Variants in SLC43A1 observed in about 807,000 individuals in gnomAD.
The protein encoded by SLC43A1 is large neutral amino acids transporter small subunit 3.
Under a neutral mutation model 59.5 loss-of-function variants are expected in SLC43A1, and 31 were observed. The observed-to-expected ratio is 0.52, with a 90% CI of 0.39 to 0.70. SLC43A1 has a LOEUF of 0.70. Among genes scored for constraint, SLC43A1 ranks in the 30% least tolerant of loss-of-function variants. The pLI, the probability that SLC43A1 is intolerant of heterozygous loss-of-function variation, is 0.00. For synonymous variants in SLC43A1, 259 were observed against 290.9 expected (o/e 0.89, Z 1.12); for missense variants, 598 against 717.8 (o/e 0.83, Z 1.91).
intron 2 of SLC43A1, among the ~76,000 whole-genome samples, chr11:57,506,163 T>C (rs1262575608): frequency 1.3e-5 from 2 of 152,000 alleles, no homozygotes; most frequent in African/African-American, 2.4e-5. Flanking sequence ...CCTGGCAACA[T>C]AGTGAGACCC....
chr11:57,511,682 G>T (rs558234025), intron 2 of SLC43A1, among the ~76,000 whole-genome samples: 1 of 152,136 alleles, frequency 6.6e-6, no homozygotes, highest in Non-Finnish European at 1.5e-5. Context: ...ATAGAATGGT[G>T]GTTGATCCAT....
intron 5 of SLC43A1, among the ~76,000 whole-genome samples, chr11:57,498,624 T>C (rs1171215887): frequency 6.6e-6 from 1 of 152,060 alleles, no homozygotes; most frequent in Admixed American, 6.5e-5. Context: ...TGTGTCCCGG[T>C]AATAGGCAGT....
At position 57,514,822 on chromosome 11, in the gene SLC43A1, G is replaced by T. The variant is rs1179761777; in HGVS notation, c.-14+622C>A. 3.0e-6 allele frequency: 3 copies of T among 985,510 alleles called. No individual in the cohort carries two copies. The African/African-American group carries it at 5.2e-5, about 17-fold the overall frequency. 61.0% of individuals were successfully genotyped at this position (985,510 alleles called of 1,614,324 possible). A position where few individuals can be genotyped will look rare whatever the true frequency, so the allele number is the denominator to read the frequency against. ...CACCAGGCTTTGCACCTCGGAACCC[G>T]CTTGCCCCCCTCCAGCCCCGGGAGG... On this transcript the variant is annotated intron_variant, in intron 1 of 14. Transcript: ENST00000278426. This position sits in a 1 kb window ranked among gnomAD's most constrained non-coding sequence, Gnocchi z 5.5.
Position 57,501,206 on chromosome 11 carries a change from G to A in SLC43A1, c.278C>T (p.Pro93Leu), listed in dbSNP as rs766142515. 6.2e-7 allele frequency: 1 copy of A among 1,612,466 alleles called. No homozygotes were observed. Among genetic ancestry groups the A allele is most frequent in the Non-Finnish European group, 8.5e-7 (1 of 1,180,036 alleles). The change falls in exon 3 of 15, where the codon CCA becomes CTA. Residue 93 changes from proline to leucine, a missense_variant. By Grantham distance (98) the Pro-to-Leu change is moderately conservative. Transcript: ENST00000278426. ...GSFVLSATTLPLGILMDRFGP... is the reference protein window; with the variant it reads ...GSFVLSATTLLLGILMDRFGP... ...AAAGCGGTCCATGAGGATCCCCAGTGGCAGGGTGGTGGCGCTGAGCACGAA... is the reference window on the plus strand; with the variant it reads ...AAAGCGGTCCATGAGGATCCCCAGTAGCAGGGTGGTGGCGCTGAGCACGAA...
Position 57,484,973 on chromosome 11 carries a change from G to C in SLC43A1, c.*123C>G. ...CTTTACAAAAATAGAACTTCTCTTGGTATTTATAAATCTACGGCCATGGCT... is the reference window on the plus strand; with the variant it reads ...CTTTACAAAAATAGAACTTCTCTTGCTATTTATAAATCTACGGCCATGGCT... On this transcript the variant is annotated 3_prime_UTR_variant, in exon 15 of 15. Transcript: ENST00000278426. 8.5e-7 allele frequency: 1 copy of C among 1,172,956 alleles called. No homozygotes were observed. The highest frequency in any genetic ancestry group is 1.2e-6 in the Non-Finnish European group (1 of 866,694). The allele number at this position is 1,172,956 out of a possible 1,614,324, so 72.7% of individuals were successfully genotyped here. A position where few individuals can be genotyped will look rare whatever the true frequency, so the allele number is the denominator to read the frequency against.
At chr11:57,510,884 A>T (rs1221261781) in intron 2 of SLC43A1, among the ~76,000 whole-genome samples, 1 of 152,072 alleles carries the variant, frequency 6.6e-6, no homozygotes, top group Non-Finnish European at 1.5e-5. Flanking sequence ...TGGGAGGCTA[A>T]GGCAGGAGAA....
Position 57,514,198 on chromosome 11 carries a change from C to G in SLC43A1, c.-13-74G>C. ...GAAGGGTCCTGCATCATGGTGGCAC[C>G]CGAGACCTCTCGGGCCAGCCCGCGA... is the stretch of plus-strand genomic sequence containing the variant. On this transcript the variant is annotated intron_variant, in intron 1 of 14. Coordinates refer to ENST00000278426, the MANE Select transcript of SLC43A1 (RefSeq NM_003627.6). This position sits in a 1 kb window ranked among gnomAD's most constrained non-coding sequence, Gnocchi z 5.5. The G allele has an allele frequency of 4.1e-6, 6 of 1,457,448 alleles. No homozygotes were observed. In the South Asian group the frequency reaches 8.5e-5, roughly 21 times the overall value. The allele number at this position is 1,457,448 out of a possible 1,614,324, so 90.3% of individuals were successfully genotyped here.
At chr11:57,497,910 C>T (rs1262019473) in intron 5 of SLC43A1, 65 bp from the exon 6 acceptor site, 1 of 1,240,746 alleles carries the variant, frequency 8.1e-7, no homozygotes, top group Non-Finnish European at 1.2e-6. Flanking sequence ...ATTCCCAGCC[C>T]TGCTCCATAC....
chr11:57,507,474 T>TAAAAATA (rs1173501586), intron 2 of SLC43A1, among the ~76,000 whole-genome samples: 1 of 151,730 alleles, frequency 6.6e-6, no homozygotes. Flanking sequence ...TCTCAAAAAA[T>TAAAAATA]AAAAATAAAA....
Position 57,491,274 on chromosome 11 carries a change from G to C in SLC43A1, c.1143C>G (p.Ile381Met). The change falls in exon 11 of 15, where the codon ATC becomes ATG. Residue 381 changes from isoleucine to methionine, a missense_variant. By Grantham distance (10) the Ile-to-Met change is conservative. Transcript: ENST00000278426. ...PLIGYIMDWR[I>M]KDCVDAPTQG... ...GAGTTGGGGCGTCCACGCAGTCCTTGATCCGCCAGTCCATGATGTAGCCAA... is the reference window on the plus strand; with the variant it reads ...GAGTTGGGGCGTCCACGCAGTCCTTCATCCGCCAGTCCATGATGTAGCCAA... 1 of 1,611,010 alleles carries C rather than the reference G, an allele frequency of 6.2e-7. No homozygotes were observed. The highest frequency in any genetic ancestry group is 8.5e-7 in the Non-Finnish European group (1 of 1,178,284).
Position 57,485,116 on chromosome 11 carries a change from C to CGCTAAG in SLC43A1, c.1654_1659dup (p.Leu552_Ser553dup). On this transcript the variant is annotated inframe_insertion, in exon 15 of 15. Coordinates refer to ENST00000278426, the MANE Select transcript of SLC43A1 (RefSeq NM_003627.6). ...GAAGTCTATGCGGTCACCTCAGAGC[C>CGCTAAG]GCTAAGCACCTTCAGTGGGCCCATC... The CGCTAAG allele has an allele frequency of 1.2e-6, 2 of 1,613,874 alleles. No homozygotes were observed. The highest frequency in any genetic ancestry group is 1.7e-6 in the Non-Finnish European group (2 of 1,179,942).
At chr11:57,492,208 T>A (rs918121953) in intron 8 of SLC43A1, among the ~76,000 whole-genome samples, 30 of 132,364 alleles carry the variant, frequency 2.3e-4, no homozygotes, top group South Asian at 7.0e-4. Context: ...TCTCTAAAAA[T>A]ATATATATAT....
At position 57,496,052 on chromosome 11, in the gene SLC43A1, G is replaced by C. The variant is rs748781039; in HGVS notation, c.671C>G (p.Ala224Gly). ...TLNWPIEAFP[A>G]PEEVNYTKKI... ...TCACGTGTAATTGACTTCCTCAGGGGCAGGAAAGGCTTCGATGGGCCAGTT... is the reference window on the plus strand; with the variant it reads ...TCACGTGTAATTGACTTCCTCAGGGCCAGGAAAGGCTTCGATGGGCCAGTT... The change falls in exon 7 of 15, where the codon GCC becomes GGC. Residue 224 changes from alanine to glycine, a missense_variant. Coordinates refer to ENST00000278426, the MANE Select transcript of SLC43A1 (RefSeq NM_003627.6). The C allele has an allele frequency of 1.2e-6, 2 of 1,614,054 alleles. No homozygotes were observed. Among genetic ancestry groups the C allele is most frequent in the Non-Finnish European group, 1.7e-6 (2 of 1,179,974 alleles).
chr11:57,492,573 T>TATAA (rs1565128039), intron 8 of SLC43A1, among the ~76,000 whole-genome samples: 2 of 12,518 alleles, frequency 1.6e-4, no homozygotes, highest in African/African-American at 5.4e-4. Context: ...TATATATATA[T>TATAA]AAAAAAATAA....
intron 2 of SLC43A1, among the ~76,000 whole-genome samples, chr11:57,503,616 C>T (rs1202052036): frequency 6.6e-6 from 1 of 152,168 alleles, no homozygotes; most frequent in East Asian, 1.9e-4. Flanking sequence ...AGCAACTGTG[C>T]CCGGCCTCTC....
In SLC43A1 at chr11:57,514,059, G is replaced by T. The variant is rs370703621; in HGVS notation, c.53C>A (p.Thr18Lys). 1 of 1,607,006 alleles carries T rather than the reference G, an allele frequency of 6.2e-7. No homozygotes were observed. Among genetic ancestry groups the T allele is most frequent in the South Asian group, 1.1e-5 (1 of 89,632 alleles). ...AYRRRWWMAC[T>K]AVLENLFFSA... is the part of the protein sequence containing the mutation. ...GAAGAAGAGGTTCTCCAGCACAGCC[G>T]TGCAGGCCATCCACCAGCGCCTCCG... is the stretch of plus-strand genomic sequence containing the variant. The change falls in exon 2 of 15, where the codon ACG becomes AAG. Residue 18 changes from threonine to lysine, a missense_variant. Physicochemically the swap from Thr to Lys is moderately conservative, Grantham distance 78 (BLOSUM62 -1). Coordinates refer to ENST00000278426, the MANE Select transcript of SLC43A1 (RefSeq NM_003627.6). The surrounding 1 kb of genome is among the most constrained non-coding windows in gnomAD (Gnocchi z 5.5).
chr11:57,503,525 G>A (rs1327729907), intron 2 of SLC43A1, among the ~76,000 whole-genome samples: 3 of 151,994 alleles, frequency 2.0e-5, no homozygotes, highest in African/African-American at 7.3e-5. Context: ...GGTTTCAACT[G>A]TTGCCCAGGC....
chr11:57,507,608 A>C (rs1369345419), intron 2 of SLC43A1, among the ~76,000 whole-genome samples: 1 of 152,172 alleles, frequency 6.6e-6, no homozygotes, highest in Non-Finnish European at 1.5e-5. Context: ...ATACCACTGG[A>C]CTCCAGCCTA....
rs553738637 is a variant in SLC43A1, at chr11:57,507,157, G to GT, written c.155-5829dup. 5.3e-3 allele frequency among the ~76,000 whole-genome samples: 810 copies of GT among 152,264 alleles called. 10 individuals are homozygous for GT. The highest frequency in any genetic ancestry group is 9.5e-3 in the Non-Finnish European group (645 of 68,022). On this transcript the variant is annotated intron_variant, in intron 2 of 14. Coordinates refer to ENST00000278426, the MANE Select transcript of SLC43A1 (RefSeq NM_003627.6). ...AGCCCTGGCAACATAGTGAGAACCT[G>GT]TCTCTACAAAAAATAAAAAATTAGC...
Sources: gnomAD v4.1 joint callset for allele counts (sites outside exome capture counted in the v4.1 genomes callset) on GRCh38, gnomAD v4.1.1 for gene constraint, Gnocchi (gnomAD v3.1) non-coding constraint, MANE v1.5 for transcripts, NCBI Gene and HGNC (gene_info 2026-07-23, HGNC 2026-07-21) for gene names.